WDR25: variants seen among roughly 807,000 people sequenced by gnomAD.
The protein encoded by WDR25 is WD repeat domain 25.
In WDR25, 35 loss-of-function variants were observed where a neutral mutation model predicts 47.7. That is an observed-to-expected ratio of 0.73 (90% CI 0.56 to 0.97). The LOEUF (loss-of-function observed/expected upper bound fraction) is 0.97, where lower values mean the gene tolerates loss of function less well. Among genes scored for constraint, WDR25 ranks in the 50% least tolerant of loss-of-function variants. The probability of loss-of-function intolerance (pLI) is 0.00; values close to 1 mark genes in which losing one functional copy is unlikely to be tolerated. For synonymous variants in WDR25, 248 were observed against 278.9 expected (o/e 0.89, Z 1.10); for missense variants, 634 against 704.7 (o/e 0.90, Z 1.14).
chr14:100,505,880 T>C (rs1230628082), intron 4 of WDR25, among the ~76,000 whole-genome samples: 2 of 152,224 alleles, frequency 1.3e-5, no homozygotes, highest in Non-Finnish European at 2.9e-5. Flanking sequence ...GGTATTAGTA[T>C]ATAGAAATAC....
In WDR25 at chr14:100,498,781, G is replaced by T. The variant is rs950038566; in HGVS notation, c.1101+14657G>T. Among the ~76,000 whole-genome samples, 3 of 152,302 alleles carry T rather than the reference G, an allele frequency of 2.0e-5. No homozygotes were observed. The South Asian group carries it at 6.2e-4, about 32-fold the overall frequency. ...CTGTATTCCATTCCAAGCCCTGCTG[G>T]CCAGGCCACGCCCCTGATTTGGAAT... On this transcript the variant is annotated intron_variant, in intron 4 of 6. Coordinates refer to ENST00000402312, the MANE Select transcript of WDR25 (RefSeq NM_001161476.3). The surrounding 1 kb of genome is among the most constrained non-coding windows in gnomAD (Gnocchi z 4.2).
chr14:100,464,814 C>A (rs1899564970), intron 2 of WDR25, among the ~76,000 whole-genome samples: 1 of 135,166 alleles, frequency 7.4e-6, no homozygotes, highest in Admixed American at 7.8e-5. Flanking sequence ...TTCTTTTACC[C>A]CATCTGCTCT....
In WDR25 at chr14:100,440,549, G is replaced by A. The variant is rs1898637963; in HGVS notation, c.823-27472G>A. 2.0e-5 allele frequency among the ~76,000 whole-genome samples: 3 copies of A among 152,220 alleles called. No individual in the cohort carries two copies. The highest frequency in any genetic ancestry group is 6.5e-5 in the Admixed American group (1 of 15,284). On this transcript the variant is annotated intron_variant, in intron 2 of 6. Coordinates refer to ENST00000402312, the MANE Select transcript of WDR25 (RefSeq NM_001161476.3). This position sits in a 1 kb window ranked among gnomAD's most constrained non-coding sequence, Gnocchi z 4.4. The stretch of plus-strand genomic sequence containing the variant: ...TCTGGAGGCTGTGCTGAGCACTGAG[G>A]GACACTGGGAGAAAAACACAGGCTC...
At chr14:100,479,457 A>G (rs1900129638) in intron 3 of WDR25, among the ~76,000 whole-genome samples, 1 of 151,916 alleles carries the variant, frequency 6.6e-6, no homozygotes, top group Admixed American at 6.6e-5. Flanking sequence ...AATTAGATCA[A>G]TTCACCAAGA....
intron 2 of WDR25, among the ~76,000 whole-genome samples, chr14:100,439,052 C>A (rs1595089416): frequency 6.6e-6 from 1 of 152,188 alleles, no homozygotes; most frequent in East Asian, 1.9e-4. Flanking sequence ...AGGCAAGGAG[C>A]AGTAGGGAGT....
Position 100,468,140 on chromosome 14 carries a change from C to T in WDR25, c.942C>T (p.Phe314=), listed in dbSNP as rs763187661. 2.0e-5 allele frequency: 33 copies of T among 1,613,384 alleles called. No homozygotes were observed. The highest frequency in any genetic ancestry group is 1.5e-4 in the South Asian group (14 of 91,062). The change falls in exon 3 of 7, where the codon TTC becomes TTT. Residue 314 remains phenylalanine (F), a synonymous_variant. Transcript: ENST00000402312. This position sits in a 1 kb window ranked among gnomAD's most constrained non-coding sequence, Gnocchi z 4.5. ...GRRILSGGFD[F]ALHLTDLETG... ...GCATCCTCAGTGGTGGCTTTGACTTCGCGCTGCACCTAACAGACCTTGAAA... is the reference window on the plus strand; with the variant it reads ...GCATCCTCAGTGGTGGCTTTGACTTTGCGCTGCACCTAACAGACCTTGAAA...
intron 4 of WDR25, chr14:100,487,455 C>CT (rs1254766333): frequency 6.6e-6 from 1 of 152,194 alleles, no homozygotes; most frequent in Non-Finnish European, 1.5e-5. Context: ...TGCTTTTATA[C>CT]TACAGTAGCA....
chr14:100,376,502 G>A lies in WDR25; in HGVS notation c.-16+7G>A. On this transcript the variant is annotated splice_region_variant and intron_variant, in intron 1 of 6. Coordinates refer to ENST00000402312, the MANE Select transcript of WDR25 (RefSeq NM_001161476.3). ...GGAGAACCGAGCGCTTCCGGTGCGT[G>A]TGGTGAGCGGCGGGCCCCGGGCTGG... The A allele has an allele frequency of 8.1e-7, 1 of 1,231,810 alleles. No homozygotes were observed. The highest frequency in any genetic ancestry group is 1.0e-6 in the Non-Finnish European group (1 of 988,036). 76.3% of individuals were successfully genotyped at this position (1,231,810 alleles called of 1,614,324 possible).
intron 2 of WDR25, among the ~76,000 whole-genome samples, chr14:100,421,906 T>C (rs955641790): frequency 4.6e-5 from 7 of 152,240 alleles, no homozygotes; most frequent in Admixed American, 2.0e-4. Context: ...TCAATTTTCA[T>C]TGGTGTGTGG....
chr14:100,412,716 G>A (rs916388251), intron 2 of WDR25, among the ~76,000 whole-genome samples: 14 of 152,186 alleles, frequency 9.2e-5, no homozygotes, highest in African/African-American at 3.4e-4. Context: ...TAGCAAAGGG[G>A]AGAGTGTTTT....
intron 2 of WDR25, among the ~76,000 whole-genome samples, chr14:100,413,615 G>A (rs977591262): frequency 3.9e-5 from 6 of 151,968 alleles, no homozygotes; most frequent in South Asian, 2.1e-4. Context: ...GGGTTTCACC[G>A]TGTTAGCCAG....
chr14:100,378,295 G>A (rs953445054), intron 1 of WDR25, among the ~76,000 whole-genome samples: 9 of 151,694 alleles, frequency 5.9e-5, no homozygotes, highest in African/African-American at 1.9e-4. Flanking sequence ...TCAGCCTCCC[G>A]AGTAGCTGGG....
intron 1 of WDR25, 23 bp from the exon 2 acceptor site, chr14:100,380,887 C>G: frequency 6.3e-7 from 1 of 1,587,266 alleles, no homozygotes; most frequent in Non-Finnish European, 8.6e-7. Flanking sequence ...CATTTTCTGA[C>G]GGTTGACCTT....
At chr14:100,517,106 GTTTTTTTT>G (rs796096587) in intron 4 of WDR25, among the ~76,000 whole-genome samples, 3 of 65,892 alleles carry the variant, frequency 4.6e-5, no homozygotes, top group East Asian at 4.4e-4. Flanking sequence ...TATCTCCTCT[GTTTTTTTT>G]TTTTTTTTTT....
chr14:100,379,630 C>T (rs1210758185), intron 1 of WDR25, among the ~76,000 whole-genome samples: 1 of 152,098 alleles, frequency 6.6e-6, no homozygotes, highest in Non-Finnish European at 1.5e-5. Flanking sequence ...TCAGGTGATC[C>T]ACCAACCTTG....
intron 2 of WDR25, among the ~76,000 whole-genome samples, chr14:100,395,233 T>C (rs1423249719): frequency 6.6e-6 from 1 of 152,192 alleles, no homozygotes; most frequent in Non-Finnish European, 1.5e-5. Flanking sequence ...CTTATTTCGG[T>C]GTTCAGTCCC....
At chr14:100,435,233 G>A (rs1337327872) in intron 2 of WDR25, among the ~76,000 whole-genome samples, 1 of 152,188 alleles carries the variant, frequency 6.6e-6, no homozygotes, top group African/African-American at 2.4e-5. Flanking sequence ...TGTGAATGAC[G>A]GGTGTACTTG....
chr14:100,472,726 T>C (rs1899884307), intron 3 of WDR25, among the ~76,000 whole-genome samples: 1 of 152,252 alleles, frequency 6.6e-6, no homozygotes, highest in South Asian at 2.1e-4. Flanking sequence ...TGGGCCATCA[T>C]GGGTTCTCCC....
chr14:100,523,126 T>G lies in WDR25; in HGVS notation c.1102-2744T>G, dbSNP rs1595172780. Reference sequence around the variant, plus strand: ...GAGCCGGAGGACCCTGGATTGCTACTTTTAAAGTAGTCGACCTTTTGTTCA... The same window carrying G: ...GAGCCGGAGGACCCTGGATTGCTACGTTTAAAGTAGTCGACCTTTTGTTCA... On this transcript the variant is annotated intron_variant, in intron 4 of 6. Transcript: ENST00000402312. The surrounding 1 kb of genome is among the most constrained non-coding windows in gnomAD (Gnocchi z 4.7). 6.6e-6 allele frequency among the ~76,000 whole-genome samples: 1 copy of G among 152,388 alleles called. No individual in the cohort carries two copies. Among genetic ancestry groups the G allele is most frequent in the East Asian group, 1.9e-4 (1 of 5,194 alleles).
Sources: allele counts gnomAD v4.1 joint callset (sites outside exome capture counted in the v4.1 genomes callset), GRCh38; gene constraint gnomAD v4.1.1; non-coding constraint Gnocchi (gnomAD v3.1); transcripts MANE v1.5; gene names NCBI Gene and HGNC (gene_info 2026-07-23, HGNC 2026-07-21).